The following CRADD variants were observed in gnomAD, a reference collection of about 807,000 sequenced individuals.
CRADD encodes the protein CARD and death domain containing adaptor protein.
In CRADD, 9 loss-of-function variants were observed where a neutral mutation model predicts 15.5. The observed-to-expected ratio is 0.58, with a 90% CI of 0.35 to 1.01. The LOEUF is 1.01. Among genes scored for constraint, CRADD ranks in the 50% least tolerant of loss-of-function variants. The pLI, the probability that CRADD is intolerant of heterozygous loss-of-function variation, is 0.02. For missense variants in CRADD, 227 were observed against 250.3 expected (o/e 0.91, Z 0.63); for synonymous variants, 118 against 107.6 (o/e 1.10, Z -0.60).
intron 2 of CRADD, among the ~76,000 whole-genome samples, chr12:93,726,838 G>GA (rs1183636579): frequency 6.6e-6 from 1 of 152,118 alleles, no homozygotes; most frequent in Non-Finnish European, 1.5e-5. Flanking sequence ...GAAGGGAATA[G>GA]CACTGTTGTC....
chr12:93,693,434 A>C (rs1592891293), intron 2 of CRADD, among the ~76,000 whole-genome samples: 1 of 152,246 alleles, frequency 6.6e-6, no homozygotes, highest in South Asian at 2.1e-4. Context: ...AAAAGAGAGT[A>C]GGAGTGGCTA....
intron 2 of CRADD, among the ~76,000 whole-genome samples, chr12:93,768,701 G>T (rs12831157): frequency 1.3e-5 from 2 of 151,962 alleles, no homozygotes; most frequent in Non-Finnish European, 2.9e-5. Flanking sequence ...GCAATATAAC[G>T]TACATGCAGA....
At chr12:93,890,073 C>G (rs1258416704) in intron 2 of CRADD, among the ~76,000 whole-genome samples, 1 of 152,176 alleles carries the variant, frequency 6.6e-6, no homozygotes, top group African/African-American at 2.4e-5. Flanking sequence ...ATAGTTTAGT[C>G]CATACCTTCC....
At chr12:93,723,117 A>T (rs138930207) in intron 2 of CRADD, among the ~76,000 whole-genome samples, 12 of 152,376 alleles carry the variant, frequency 7.9e-5, no homozygotes, top group African/African-American at 2.6e-4. Context: ...TAGGCCAAAC[A>T]AAATATAGGA....
intron 2 of CRADD, among the ~76,000 whole-genome samples, chr12:93,762,688 T>G (rs1003834360): frequency 4.6e-5 from 7 of 152,176 alleles, no homozygotes; most frequent in African/African-American, 1.7e-4. Flanking sequence ...CTGCCCCCAG[T>G]CCCTCAGTTT....
chr12:93,877,947 G>A (rs920590386), intron 2 of CRADD, among the ~76,000 whole-genome samples: 2 of 152,070 alleles, frequency 1.3e-5, no homozygotes, highest in African/African-American at 4.8e-5. Flanking sequence ...ACCACAACTG[G>A]TAATGTCCTG....
rs908836596 is a variant in CRADD at position 93,687,729 on chromosome 12, G to T, written c.298+8657G>T. ...CCAGATGGAAGGGTGGTAGGAATCA[G>T]GGTGTAGAGGGATATTAGTTTGCAA... On this transcript the variant is annotated intron_variant, in intron 2 of 2. Coordinates refer to ENST00000332896, the MANE Select transcript of CRADD (RefSeq NM_003805.5). Among the ~76,000 whole-genome samples the T allele has an allele frequency of 2.0e-5, 3 of 152,184 alleles. 1 individual carries two copies. Among genetic ancestry groups the T allele is most frequent in the Non-Finnish European group, 4.4e-5 (3 of 68,038 alleles).
chr12:93,819,191 A>G (rs1025722506), intron 2 of CRADD, among the ~76,000 whole-genome samples: 1 of 152,238 alleles, frequency 6.6e-6, no homozygotes, highest in East Asian at 1.9e-4. Context: ...TGGCAGCTTT[A>G]TAAAGGATTC....
At chr12:93,857,830 C>T (rs983173622) in intron 2 of CRADD, among the ~76,000 whole-genome samples, 2 of 152,250 alleles carry the variant, frequency 1.3e-5, no homozygotes, top group African/African-American at 2.4e-5. Context: ...CATCTCTTTA[C>T]AACCAGAGCC....
At chr12:93,693,692 A>AT (rs1955629363) in intron 2 of CRADD, among the ~76,000 whole-genome samples, 1 of 152,004 alleles carries the variant, frequency 6.6e-6, no homozygotes, top group Admixed American at 6.5e-5. Context: ...GGTTACCCAG[A>AT]TAAAAAAAGT....
chr12:93,795,397 C>T (rs1349641335), intron 2 of CRADD, among the ~76,000 whole-genome samples: 1 of 152,144 alleles, frequency 6.6e-6, no homozygotes, highest in Non-Finnish European at 1.5e-5. Context: ...AAGTACTGCA[C>T]TTTGGGCTCT....
At chr12:93,817,063 T>C (rs1038529788) in intron 2 of CRADD, among the ~76,000 whole-genome samples, 3 of 151,886 alleles carry the variant, frequency 2.0e-5, no homozygotes, top group Admixed American at 2.0e-4. Flanking sequence ...AGTAATACCT[T>C]TTTTTTTCTC....
intron 2 of CRADD, among the ~76,000 whole-genome samples, chr12:93,837,087 T>C (rs1334391603): frequency 6.6e-6 from 1 of 152,156 alleles, no homozygotes; most frequent in African/African-American, 2.4e-5. Flanking sequence ...TGCAAGGCTC[T>C]CTGGTTCGCA....
chr12:93,700,621 G>A (rs1178229829), intron 2 of CRADD, among the ~76,000 whole-genome samples: 4 of 151,838 alleles, frequency 2.6e-5, no homozygotes, highest in Non-Finnish European at 4.4e-5. Flanking sequence ...TAGTAGAGAC[G>A]GGGTTTCACC....
chr12:93,718,250 A>C (rs1475409464), intron 2 of CRADD, among the ~76,000 whole-genome samples: 5 of 152,198 alleles, frequency 3.3e-5, no homozygotes, highest in Non-Finnish European at 7.3e-5. Flanking sequence ...GAATCTATGA[A>C]GTTGAGAATA....
At position 93,868,686 on chromosome 12, in the gene CRADD, GCA is replaced by G. The variant is rs570970896; in HGVS notation, c.299-25337_299-25336del. 3.2e-3 allele frequency among the ~76,000 whole-genome samples: 456 copies of G among 142,456 alleles called. 1 individual carries two copies. The highest frequency in any genetic ancestry group is 0.022 in the East Asian group (110 of 4,970). The allele number at this position is 142,456 out of a possible 152,430, so 93.5% of individuals were successfully genotyped here. On this transcript the variant is annotated intron_variant, in intron 2 of 2. Coordinates refer to the CRADD transcript ENST00000548483. ...TTCTCTCTCTCCCTCTCTCTCTCTT[GCA>G]CACACACACACACACACACACACAC... is the stretch of plus-strand genomic sequence containing the variant.
In CRADD at chr12:93,850,502, ATTG is replaced by A; in HGVS notation, c.*236_*238del. The A allele has an allele frequency of 7.9e-7, 1 of 1,263,788 alleles. No homozygotes were observed. Among genetic ancestry groups the A allele is most frequent in the Non-Finnish European group, 9.9e-7 (1 of 1,006,310 alleles). The allele number at this position is 1,263,788 out of a possible 1,614,324, so 78.3% of individuals were successfully genotyped here. On this transcript the variant is annotated 3_prime_UTR_variant, in exon 3 of 3. Coordinates refer to ENST00000332896, the MANE Select transcript of CRADD (RefSeq NM_003805.5). The surrounding 1 kb of genome is among the most constrained non-coding windows in gnomAD (Gnocchi z 4.0). The stretch of plus-strand genomic sequence containing the variant: ...TTGTTTTTAATTGCTTGAAGATTGC[ATTG>A]TTGTAATTGTTCAGTTTTTAAATGT...
rs141376194 is a variant in CRADD, at chr12:93,893,507, A to AG, written c.299-543_299-542insG. Among the ~76,000 whole-genome samples, 1,141 of 152,322 alleles carry AG rather than the reference A, an allele frequency of 7.5e-3. 14 individuals carry two copies. Among genetic ancestry groups the AG allele is most frequent in the African/African-American group, 0.026 (1,064 of 41,568 alleles). On this transcript the variant is annotated intron_variant, in intron 2 of 2. Transcript: ENST00000548483. ...CTTGTTAGAAGTCAGAAGAAAAAAA[A>AG]TAAAGAGAAAAGCTTTCTAAAGCAT...
intron 2 of CRADD, chr12:93,815,985 A>G (rs1957692345): frequency 6.6e-6 from 1 of 152,258 alleles, no homozygotes; most frequent in Non-Finnish European, 1.5e-5. Flanking sequence ...AAGAACACAG[A>G]AAGCTGATTC....
Sources: allele counts gnomAD v4.1 joint callset (sites outside exome capture counted in the v4.1 genomes callset), GRCh38; gene constraint gnomAD v4.1.1; non-coding constraint Gnocchi (gnomAD v3.1); transcripts MANE v1.5; gene names NCBI Gene and HGNC (gene_info 2026-07-23, HGNC 2026-07-21).